GPC5: variants seen among roughly 807,000 people sequenced by gnomAD.
GPC5 encodes glypican 5, also known as glypican-5.
GPC5 carries 47 observed loss-of-function variants against 53.9 expected under a neutral mutation model. The observed-to-expected ratio is 0.87, with a 90% CI of 0.69 to 1.11. The LOEUF is 1.11. GPC5 is among the 50% of genes most tolerant of loss of function. GPC5 has a pLI of 0.00. For synonymous variants in GPC5, 286 were observed against 263.3 expected, an observed-to-expected ratio of 1.09 and a Z score of -0.84; for missense variants, 748 against 713.1, an observed-to-expected ratio of 1.05 and a Z score of -0.56.
intron 6 of GPC5, among the ~76,000 whole-genome samples, chr13:91,941,832 C>T (rs1212252909): frequency 6.6e-6 from 1 of 152,056 alleles, no homozygotes; most frequent in East Asian, 1.9e-4. Context: ...TACATGTTTC[C>T]AAGAACATCT....
intron 7 of GPC5, among the ~76,000 whole-genome samples, chr13:92,545,073 C>G (rs1041818039): frequency 6.6e-6 from 1 of 151,902 alleles, no homozygotes; most frequent in African/African-American, 2.4e-5. Flanking sequence ...TCCCCCCTCA[C>G]CCCACCCCAC....
At chr13:92,220,062 T>G (rs2042437832) in intron 7 of GPC5, among the ~76,000 whole-genome samples, 1 of 152,228 alleles carries the variant, frequency 6.6e-6, no homozygotes, top group Non-Finnish European at 1.5e-5. Context: ...ACTATAATTA[T>G]GACAGTTTTT....
intron 7 of GPC5, among the ~76,000 whole-genome samples, chr13:92,396,762 T>C (rs1469757245): frequency 6.6e-6 from 1 of 152,254 alleles, no homozygotes; most frequent in Non-Finnish European, 1.5e-5. Flanking sequence ...AAGCATTCTA[T>C]AATCTTATAA....
At chr13:92,097,868 C>T (rs892384180) in intron 6 of GPC5, among the ~76,000 whole-genome samples, 2 of 152,320 alleles carry the variant, frequency 1.3e-5, no homozygotes, top group Middle Eastern at 3.4e-3. Context: ...AGGGACTAGA[C>T]TTAAACCCAC....
chr13:92,683,568 A>G (rs1566362288), intron 7 of GPC5, among the ~76,000 whole-genome samples: 3 of 152,206 alleles, frequency 2.0e-5, no homozygotes, highest in Non-Finnish European at 4.4e-5. Context: ...GGTTATTTCA[A>G]TAAAGTGTTA....
intron 7 of GPC5, among the ~76,000 whole-genome samples, chr13:92,527,907 A>G (rs939125987): frequency 6.6e-6 from 1 of 152,182 alleles, no homozygotes; most frequent in Non-Finnish European, 1.5e-5. Context: ...GTTGTGATAT[A>G]AAAGCTATTT....
chr13:92,557,879 C>G (rs1882553227), intron 7 of GPC5, among the ~76,000 whole-genome samples: 1 of 151,958 alleles, frequency 6.6e-6, no homozygotes, highest in African/African-American at 2.4e-5. Context: ...AGCTGGGACT[C>G]TGCATCTCCA....
At chr13:92,357,915 G>A (rs764857977) in intron 7 of GPC5, among the ~76,000 whole-genome samples, 21 of 151,424 alleles carry the variant, frequency 1.4e-4, no homozygotes, top group Admixed American at 5.2e-4. Flanking sequence ...TCTGCACCTG[G>A]CCCCTACCAA....
chr13:92,403,829 T>G (rs1875669331), intron 7 of GPC5, among the ~76,000 whole-genome samples: 1 of 152,222 alleles, frequency 6.6e-6, no homozygotes, highest in Admixed American at 6.5e-5. Flanking sequence ...TGATTTTACA[T>G]TATTTTGCTG....
At chr13:92,484,151 CA>C (rs1879465825) in intron 7 of GPC5, among the ~76,000 whole-genome samples, 4 of 152,006 alleles carry the variant, frequency 2.6e-5, no homozygotes, top group Admixed American at 6.6e-5. Context: ...AAACAAAAAT[CA>C]AAACATCTGG....
In GPC5 at chr13:92,546,229, C is replaced by T. The variant is rs531382855; in HGVS notation, c.1562-320053C>T. ...TTGGAAAAGAGGAAGTCAAATTGTC[C>T]GCATTTGCAGATGACATGATTGTAT... On this transcript the variant is annotated intron_variant, in intron 7 of 7. Coordinates refer to ENST00000377067, the MANE Select transcript of GPC5 (RefSeq NM_004466.6). Among the ~76,000 whole-genome samples the T allele has an allele frequency of 6.6e-5, 10 of 152,174 alleles. No individual in the cohort carries two copies. The East Asian group carries it at 1.2e-3, about 18-fold the overall frequency.
chr13:91,533,821 G>A (rs979586673), intron 2 of GPC5, among the ~76,000 whole-genome samples: 4 of 152,102 alleles, frequency 2.6e-5, no homozygotes, highest in Middle Eastern at 6.3e-3. Context: ...CAAAATCAAT[G>A]ATTTAGAGCC....
At position 91,749,836 on chromosome 13, in the gene GPC5, C is replaced by A. The variant is rs114703609; in HGVS notation, c.1155-6459C>A. Among the ~76,000 whole-genome samples, 1,214 of 152,300 alleles carry A rather than the reference C, an allele frequency of 8.0e-3. 21 individuals carry two copies. The highest frequency in any genetic ancestry group is 0.028 in the African/African-American group (1,183 of 41,562). ...AAGTGGTATTTTTTGGAGACAGAGT[C>A]TCGCTGCTCTATAGCCCAGGCTGGA... is the stretch of plus-strand genomic sequence containing the variant. On this transcript the variant is annotated intron_variant, in intron 4 of 7. Transcript: ENST00000377067.
At chr13:92,464,404 AG>A (rs1351734676) in intron 7 of GPC5, among the ~76,000 whole-genome samples, 60 of 152,292 alleles carry the variant, frequency 3.9e-4, no homozygotes, top group African/African-American at 1.4e-3. Flanking sequence ...TTATAGAGTT[AG>A]GAATAAATTT....
intron 2 of GPC5, among the ~76,000 whole-genome samples, chr13:91,674,858 T>C (rs2035345199): frequency 6.6e-6 from 1 of 151,930 alleles, no homozygotes; most frequent in South Asian, 2.1e-4. Context: ...TCCTGCCATA[T>C]TGTCAGAGTC....
At chr13:91,726,822 G>C (rs2036585306) in intron 3 of GPC5, among the ~76,000 whole-genome samples, 1 of 152,172 alleles carries the variant, frequency 6.6e-6, no homozygotes, top group African/African-American at 2.4e-5. Context: ...CATCTGCACA[G>C]CTGCTGTGAT....
intron 7 of GPC5, among the ~76,000 whole-genome samples, chr13:92,171,430 T>C (rs2042070084): frequency 6.6e-6 from 1 of 152,186 alleles, no homozygotes; most frequent in African/African-American, 2.4e-5. Context: ...CACTGACTTT[T>C]ACTACTTTAT....
chr13:91,706,701 T>C (rs533253753), intron 3 of GPC5, among the ~76,000 whole-genome samples: 2 of 152,168 alleles, frequency 1.3e-5, no homozygotes, highest in East Asian at 3.9e-4. Flanking sequence ...GAGAAATCAT[T>C]AAATCATGGG....
intron 7 of GPC5, among the ~76,000 whole-genome samples, chr13:92,831,070 A>T (rs1045791662): frequency 1.3e-5 from 2 of 152,136 alleles, no homozygotes; most frequent in Non-Finnish European, 2.9e-5. Flanking sequence ...CGGCTGGTGA[A>T]AGCTTACTTT....
Sources: allele counts gnomAD v4.1 joint callset (sites outside exome capture counted in the v4.1 genomes callset), GRCh38; gene constraint gnomAD v4.1.1; transcripts MANE v1.5; gene names NCBI Gene and HGNC (gene_info 2026-07-23, HGNC 2026-07-21).